Variants in CD53 observed in about 807,000 individuals in gnomAD.
CD53 encodes leukocyte surface antigen CD53.
CD53 carries 20 observed loss-of-function variants against 27.3 expected under a neutral mutation model. The ratio of observed to expected loss-of-function variants is 0.73; its 90% CI spans 0.52 to 1.07. The LOEUF is 1.07. Among genes scored for constraint, CD53 ranks in the 50% least tolerant of loss-of-function variants. The pLI is 0.00. For missense variants in CD53, 216 were observed against 264.0 expected, an observed-to-expected ratio of 0.82 and a Z score of 1.26; for synonymous variants, 106 against 105.3, an observed-to-expected ratio of 1.01 and a Z score of -0.04.
intron 1 of CD53, among the ~76,000 whole-genome samples, chr1:110,879,707 CT>C (rs1218673504): frequency 6.6e-6 from 1 of 152,008 alleles, no homozygotes; most frequent in Non-Finnish European, 1.5e-5. Flanking sequence ...AGATGAAGAA[CT>C]GATAGAGGTT....
chr1:110,883,003 A>G (rs188917092), intron 1 of CD53, among the ~76,000 whole-genome samples: 1 of 152,142 alleles, frequency 6.6e-6, no homozygotes, highest in East Asian at 1.9e-4. Context: ...ATATCTGTGA[A>G]CAAAGCCAGT....
chr1:110,878,630 G>A (rs1656219626), intron 1 of CD53, among the ~76,000 whole-genome samples: 2 of 152,142 alleles, frequency 1.3e-5, no homozygotes, highest in South Asian at 4.1e-4. Flanking sequence ...TTTTCTAATA[G>A]GTTTGAATGG....
At chr1:110,897,702 C>T (rs1214241090) in intron 6 of CD53, 107 bp from the exon 7 acceptor site, 3 of 640,918 alleles carry the variant, frequency 4.7e-6, no homozygotes, top group African/African-American at 3.7e-5. Context: ...ACCTAAGCCT[C>T]TTTGTATTAC....
intron 1 of CD53, among the ~76,000 whole-genome samples, chr1:110,883,268 A>G (rs1290883365): frequency 6.6e-6 from 1 of 151,994 alleles, no homozygotes; most frequent in Non-Finnish European, 1.5e-5. Context: ...CATCAAAAAT[A>G]GATGTTGAAT....
intron 1 of CD53, among the ~76,000 whole-genome samples, chr1:110,880,754 AC>A (rs1441130258): frequency 6.6e-6 from 1 of 152,142 alleles, no homozygotes; most frequent in East Asian, 1.9e-4. Context: ...CATAGATCCT[AC>A]CCTCAAGGAG....
chr1:110,890,802 G>A (rs188387196), intron 1 of CD53, among the ~76,000 whole-genome samples: 1 of 152,268 alleles, frequency 6.6e-6, no homozygotes, highest in East Asian at 1.9e-4. Flanking sequence ...TTGTCTTCTG[G>A]AGGATAGCTA....
rs1332047470 is a variant in CD53, at chr1:110,891,469, TG to T, written c.63+1del. ...CCTGTTTTTCTTCAACTTGCTCTTTTGGGTAAGTGTATCTCTTCTGAGCACG... is the reference window on the plus strand; with the variant it reads ...CCTGTTTTTCTTCAACTTGCTCTTTTGGTAAGTGTATCTCTTCTGAGCACG... Reference protein sequence around the residue: ...YVLFFFNLLFWICGCCILGFG... With the variant: ...YVLFFFNLLFXICGCCILGFG... On this transcript the variant is annotated frameshift_variant and splice_region_variant, in exon 2 of 8. Coordinates refer to ENST00000271324, the MANE Select transcript of CD53 (RefSeq NM_000560.4). LOFTEE classifies it high-confidence loss of function. The T allele has an allele frequency of 1.9e-6, 3 of 1,611,190 alleles. No individual in the cohort carries two copies.
At chr1:110,874,600 T>C (rs1386494288) in intron 1 of CD53, among the ~76,000 whole-genome samples, 1 of 152,240 alleles carries the variant, frequency 6.6e-6, no homozygotes, top group Non-Finnish European at 1.5e-5. Flanking sequence ...TGTGGTTGAA[T>C]GGGAGCAAAG....
intron 7 of CD53, among the ~76,000 whole-genome samples, chr1:110,898,510 G>A (rs1557822460): frequency 6.6e-6 from 1 of 151,956 alleles, no homozygotes; most frequent in African/African-American, 2.4e-5. Context: ...CAGCTGGTCT[G>A]AAAAATACGA....
intron 3 of CD53, 22 bp from the exon 4 acceptor site, chr1:110,894,305 G>A (rs1162152948): frequency 6.2e-7 from 1 of 1,610,680 alleles, no homozygotes; most frequent in East Asian, 2.2e-5. Flanking sequence ...AGTGCTGTGA[G>A]AATGTATCTG....
chr1:110,898,035 A>C (rs1657139004), intron 7 of CD53, 143 bp downstream of exon 7: 2 of 513,164 alleles, frequency 3.9e-6, no homozygotes, highest in African/African-American at 3.9e-5. Flanking sequence ...CCAAGTAGCA[A>C]ATAATGTAAT....
chr1:110,891,918 G>A (rs1656870248), intron 2 of CD53, among the ~76,000 whole-genome samples: 1 of 152,226 alleles, frequency 6.6e-6, no homozygotes, highest in South Asian at 2.1e-4. Context: ...TGGTACTTGT[G>A]TATATGAGAA....
intron 1 of CD53, among the ~76,000 whole-genome samples, chr1:110,890,893 G>A (rs1018221606): frequency 6.6e-5 from 10 of 152,350 alleles, no homozygotes; most frequent in African/African-American, 1.7e-4. Flanking sequence ...TAAATGAGGC[G>A]TGGATATGTT....
chr1:110,883,299 T>G (rs536792359), intron 1 of CD53, among the ~76,000 whole-genome samples: 2 of 152,102 alleles, frequency 1.3e-5, no homozygotes, highest in East Asian at 3.9e-4. Flanking sequence ...AAATTTCCTG[T>G]ATCTATTGAG....
chr1:110,892,657 T>A, intron 3 of CD53, 124 bp downstream of exon 3: 1 of 820,642 alleles, frequency 1.2e-6, no homozygotes, highest in South Asian at 1.7e-5. Flanking sequence ...GATTGGTACC[T>A]CAGATCAGCC....
chr1:110,886,871 T>TATATATA (rs1243346959), intron 1 of CD53, among the ~76,000 whole-genome samples: 45 of 76,072 alleles, frequency 5.9e-4, no homozygotes, highest in African/African-American at 6.8e-4. Context: ...ATATATATAT[T>TATATATA]TTTTTTTTCT....
intron 1 of CD53, among the ~76,000 whole-genome samples, chr1:110,874,352 G>A (rs1055892441): frequency 1.3e-5 from 2 of 152,192 alleles, no homozygotes; most frequent in East Asian, 3.9e-4. Context: ...AGTGGTAGGT[G>A]CCTCCTGAGG....
At chr1:110,885,591 G>A (rs921959850) in intron 1 of CD53, among the ~76,000 whole-genome samples, 1 of 151,516 alleles carries the variant, frequency 6.6e-6, no homozygotes, top group African/African-American at 2.4e-5. Flanking sequence ...GACGAGGTGC[G>A]GTGGCTCAAG....
chr1:110,892,256 A>C, intron 2 of CD53, 89 bp from the exon 3 acceptor site: 2 of 944,876 alleles, frequency 2.1e-6, no homozygotes, highest in Non-Finnish European at 3.5e-6. Flanking sequence ...TTAAAAATAA[A>C]GTGATTCTGA....
Sources: gnomAD v4.1 joint callset for allele counts (sites outside exome capture counted in the v4.1 genomes callset) on GRCh38, gnomAD v4.1.1 for gene constraint, MANE v1.5 for transcripts, NCBI Gene and HGNC (gene_info 2026-07-23, HGNC 2026-07-21) for gene names.